Variants in TTC4 observed in about 807,000 individuals in gnomAD.
The protein encoded by TTC4 is tetratricopeptide repeat domain 4.
TTC4 carries 36 observed loss-of-function variants against 51.9 expected under a neutral mutation model. The observed-to-expected ratio is 0.69, with a 90% CI of 0.53 to 0.92. TTC4 has a LOEUF of 0.92. Ranked by LOEUF, TTC4 falls within the 40% of genes least tolerant of loss-of-function variation. The pLI is 0.00. For missense variants in TTC4, 399 were observed against 454.6 expected (o/e 0.88, Z 1.11); for synonymous variants, 144 against 164.2 (o/e 0.88, Z 0.94).
At position 54,716,363 on chromosome 1, in the gene TTC4, G is replaced by C. The variant is rs147850090; in HGVS notation, c.112-237G>C. The stretch of plus-strand genomic sequence containing the variant: ...TTGGTAAAGTGCCAAGAACATAAGG[G>C]CGCTCAATTAATGGTAATTCCTGCC... On this transcript the variant is annotated intron_variant, in intron 1 of 9. Coordinates refer to ENST00000371281, the MANE Select transcript of TTC4 (RefSeq NM_004623.5). Among the ~76,000 whole-genome samples, 1,025 of 152,252 alleles carry C rather than the reference G, an allele frequency of 6.7e-3. 6 individuals are homozygous for C. Among genetic ancestry groups the C allele is most frequent in the Non-Finnish European group, 9.8e-3 (666 of 68,018 alleles).
chr1:54,717,014 T>C (rs1645684937), intron 2 of TTC4, among the ~76,000 whole-genome samples: 1 of 152,186 alleles, frequency 6.6e-6, no homozygotes, highest in South Asian at 2.1e-4. Context: ...CTGTAGTGGG[T>C]CCTGTTGGAA....
Position 54,721,144 on chromosome 1 carries a change from C to T in TTC4, c.392-19C>T. On this transcript the variant is annotated intron_variant, in intron 3 of 9. Transcript: ENST00000371281. ...TTGATCTCAAAACTTCTCTCTTTTA[C>T]TAAACGGTGTTTTGTTAGGCAATTT... The T allele has an allele frequency of 1.2e-6, 2 of 1,612,080 alleles. No homozygotes were observed. Among genetic ancestry groups the T allele is most frequent in the Non-Finnish European group, 1.7e-6 (2 of 1,178,688 alleles).
At chr1:54,726,553 C>G (rs1645801450) in intron 5 of TTC4, among the ~76,000 whole-genome samples, 1 of 152,074 alleles carries the variant, frequency 6.6e-6, no homozygotes, top group Non-Finnish European at 1.5e-5. Flanking sequence ...AATGAACACT[C>G]TGAAAATGAA....
chr1:54,716,487 G>A (rs1022894057), intron 1 of TTC4, 113 bp from the exon 2 acceptor site: 12 of 765,326 alleles, frequency 1.6e-5, no homozygotes, highest in Middle Eastern at 5.9e-4. Context: ...GATACAGCTA[G>A]CTGTGATGAT....
intron 5 of TTC4, among the ~76,000 whole-genome samples, chr1:54,723,712 T>C (rs1645769828): frequency 6.6e-6 from 1 of 152,204 alleles, no homozygotes; most frequent in African/African-American, 2.4e-5. Context: ...GGCTATTATA[T>C]AGTTTAGATG....
intron 3 of TTC4, among the ~76,000 whole-genome samples, chr1:54,720,071 A>T (rs1048297729): frequency 1.3e-5 from 2 of 151,850 alleles, no homozygotes; most frequent in Non-Finnish European, 2.9e-5. Flanking sequence ...GCTAATTTTT[A>T]AAAAATTTTT....
Position 54,722,913 on chromosome 1 carries a change from C to T in TTC4, c.594+114C>T. The T allele has an allele frequency of 2.9e-6, 4 of 1,387,596 alleles. No homozygotes were observed. The South Asian group carries it at 4.2e-5, about 15-fold the overall frequency. The allele number at this position is 1,387,596 out of a possible 1,614,324, so 86.0% of individuals were successfully genotyped here. ...TTTAAAAACAAAACCCAAAACTAGTCCCTACTCCTGGAACTCTGTGGAGCA... is the reference window on the plus strand; with the variant it reads ...TTTAAAAACAAAACCCAAAACTAGTTCCTACTCCTGGAACTCTGTGGAGCA... On this transcript the variant is annotated intron_variant, in intron 5 of 9. Coordinates refer to ENST00000371281, the MANE Select transcript of TTC4 (RefSeq NM_004623.5).
chr1:54,741,042 G>T (rs538728780), intron 9 of TTC4, among the ~76,000 whole-genome samples: 25 of 152,258 alleles, frequency 1.6e-4, no homozygotes, highest in African/African-American at 6.0e-4. Flanking sequence ...TCCCCTCCAG[G>T]ACTGAATTTG....
intron 9 of TTC4, among the ~76,000 whole-genome samples, chr1:54,738,594 T>C (rs891317297): frequency 6.6e-6 from 1 of 151,482 alleles, no homozygotes; most frequent in Admixed American, 6.6e-5. Context: ...CCAGGGGAGA[T>C]AAATAGGACT....
intron 5 of TTC4, among the ~76,000 whole-genome samples, chr1:54,728,049 T>C (rs922133278): frequency 1.3e-5 from 2 of 152,118 alleles, no homozygotes; most frequent in African/African-American, 4.8e-5. Flanking sequence ...ACGACCAGAG[T>C]AGTACATAAT....
At chr1:54,716,075 G>C in intron 1 of TTC4, 56 bp downstream of exon 1, 1 of 1,425,290 alleles carries the variant, frequency 7.0e-7, no homozygotes, top group Non-Finnish European at 9.7e-7. Flanking sequence ...GACTCGTGGG[G>C]CACCCGGGCT....
chr1:54,741,718 A>G lies in TTC4; in HGVS notation c.*205A>G. 3 of 590,172 alleles carry G rather than the reference A, an allele frequency of 5.1e-6. No homozygotes were observed. The highest frequency in any genetic ancestry group is 2.1e-5 in the South Asian group (1 of 47,742). The allele number at this position is 590,172 out of a possible 1,614,324, so 36.6% of individuals were successfully genotyped here. A position where few individuals can be genotyped will look rare whatever the true frequency, so the allele number is the denominator to read the frequency against. On this transcript the variant is annotated 3_prime_UTR_variant, in exon 10 of 10. Coordinates refer to ENST00000371281, the MANE Select transcript of TTC4 (RefSeq NM_004623.5). ...CTGGTCTTCACTTTCCTCAGTTGAT[A>G]TAAAACTCTGGGTCTTGGCCATGAT...
intron 6 of TTC4, among the ~76,000 whole-genome samples, chr1:54,730,714 A>T (rs936071585): frequency 6.6e-6 from 1 of 151,994 alleles, no homozygotes; most frequent in African/African-American, 2.4e-5. Context: ...GCCCATGTCT[A>T]GGAGACAGTC....
intron 5 of TTC4, among the ~76,000 whole-genome samples, chr1:54,726,913 T>C (rs1645806182): frequency 6.6e-6 from 1 of 152,168 alleles, no homozygotes; most frequent in Non-Finnish European, 1.5e-5. Flanking sequence ...ACTGGGACTA[T>C]AGGCATGTGA....
chr1:54,725,576 G>A (rs188774028), intron 5 of TTC4, among the ~76,000 whole-genome samples: 56 of 152,280 alleles, frequency 3.7e-4, no homozygotes, highest in African/African-American at 1.2e-3. Flanking sequence ...GCTTCAACAT[G>A]TACACAAAGC....
chr1:54,733,602 C>T (rs750386118), intron 7 of TTC4, 27 bp from the exon 8 acceptor site: 1 of 1,553,198 alleles, frequency 6.4e-7, no homozygotes, highest in Non-Finnish European at 8.8e-7. Context: ...GTTATTGATA[C>T]CCAGAAAGTA....
rs540984530 is a variant in TTC4 at position 54,738,844 on chromosome 1, G to A, written c.1061+1180G>A. Among the ~76,000 whole-genome samples the A allele has an allele frequency of 4.6e-5, 7 of 151,852 alleles. No individual in the cohort carries two copies. In the South Asian group the frequency reaches 1.5e-3, roughly 32 times the overall value. On this transcript the variant is annotated intron_variant, in intron 9 of 9. Transcript: ENST00000371281. ...TGCCTGGCTAATTTTTGTATTTTTA[G>A]TAGAGACGGGGTTTCACCATGTTGT... is the stretch of plus-strand genomic sequence containing the variant.
rs34946952 is a variant in TTC4, at chr1:54,741,911, C to CACAA, written c.*407_*410dup. The CACAA allele has an allele frequency of 9.9e-6, 2 of 201,336 alleles. No homozygotes were observed. The highest frequency in any genetic ancestry group is 4.7e-5 in the African/African-American group (2 of 42,502). The allele number at this position is 201,336 out of a possible 1,614,324, so 12.5% of individuals were successfully genotyped here. On this transcript the variant is annotated 3_prime_UTR_variant, in exon 10 of 10. Transcript: ENST00000371281. ...CTACCCCTCAAACTGCACATCTACA[C>CACAA]ACAAACAAACAATGCATAGGATTCC...
rs2101305020 is a variant in TTC4, at chr1:54,721,106, T to G, written c.392-57T>G. On this transcript the variant is annotated intron_variant, in intron 3 of 9. Transcript: ENST00000371281. The stretch of plus-strand genomic sequence containing the variant: ...AGTGTCTTTGTCACTACATATAAAA[T>G]TTTGGAAACATTTTGATCTCAAAAC... The G allele has an allele frequency of 1.9e-6, 3 of 1,548,188 alleles. No homozygotes were observed. In the East Asian group the frequency reaches 6.8e-5, roughly 35 times the overall value.
Sources: allele counts gnomAD v4.1 joint callset (sites outside exome capture counted in the v4.1 genomes callset), GRCh38; gene constraint gnomAD v4.1.1; transcripts MANE v1.5; gene names NCBI Gene and HGNC (gene_info 2026-07-23, HGNC 2026-07-21).